Variants in ACADSB observed in about 807,000 individuals in gnomAD.
ACADSB encodes acyl-CoA dehydrogenase short/branched chain, also known as short/branched chain specific acyl-CoA dehydrogenase, mitochondrial.
ACADSB carries 40 observed loss-of-function variants against 54.1 expected under a neutral mutation model. The ratio of observed to expected loss-of-function variants is 0.74; its 90% confidence interval spans 0.57 to 0.96. The LOEUF (loss-of-function observed/expected upper bound fraction) is 0.96. Among genes scored for constraint, ACADSB ranks in the 40% least tolerant of loss-of-function variants. ACADSB has a pLI of 0.00. For missense variants in ACADSB, 530 were observed against 510.4 expected, an observed-to-expected ratio of 1.04 and a Z score of -0.37; for synonymous variants, 182 against 182.8, an observed-to-expected ratio of 1.00 and a Z score of 0.03.
At chr10:123,017,462 C>T (rs1034685056) in intron 1 of ACADSB, among the ~76,000 whole-genome samples, 1 of 152,202 alleles carries the variant, frequency 6.6e-6, no homozygotes, top group Non-Finnish European at 1.5e-5. Context: ...GGATTATAGG[C>T]ACCTACCACC....
At chr10:123,039,660 G>A (rs1041916844) in intron 3 of ACADSB, among the ~76,000 whole-genome samples, 2 of 152,182 alleles carry the variant, frequency 1.3e-5, no homozygotes, top group African/African-American at 4.8e-5. Flanking sequence ...AGGTGAAAGA[G>A]CCTGACTAGA....
chr10:123,019,005 A>C (rs1435702856), intron 1 of ACADSB, among the ~76,000 whole-genome samples: 1 of 152,222 alleles, frequency 6.6e-6, no homozygotes, highest in Non-Finnish European at 1.5e-5. Context: ...AATCAAAATC[A>C]AAACTGAATA....
rs1481804689 is a variant in ACADSB at position 123,054,587 on chromosome 10, G to C, written c.*822G>C. ...CTAAAAATTCTGGTTTTAAATATGA[G>C]AATCAGTGGAAAATAAGGGTATAAT... On this transcript the variant is annotated 3_prime_UTR_variant, in exon 11 of 11. Transcript: ENST00000358776. The C allele has an allele frequency of 6.6e-6, 1 of 152,116 alleles. No individual in the cohort carries two copies. Among genetic ancestry groups the C allele is most frequent in the African/African-American group, 2.4e-5 (1 of 41,414 alleles). 9.4% of individuals were successfully genotyped at this position (152,116 alleles called of 1,614,324 possible). A position where few individuals can be genotyped will look rare whatever the true frequency, so the allele number is the denominator to read the frequency against.
intron 1 of ACADSB, among the ~76,000 whole-genome samples, chr10:123,026,888 G>GC (rs1301621091): frequency 6.6e-6 from 1 of 152,114 alleles, no homozygotes; most frequent in African/African-American, 2.4e-5. Context: ...GAAACAGGTT[G>GC]CCTATGGGAG....
intron 1 of ACADSB, among the ~76,000 whole-genome samples, chr10:123,018,996 A>G (rs1850142724): frequency 6.6e-6 from 1 of 152,198 alleles, no homozygotes; most frequent in African/African-American, 2.4e-5. Context: ...GGCTTAGGAA[A>G]TCAAAATCAA....
intron 1 of ACADSB, among the ~76,000 whole-genome samples, chr10:123,016,115 T>C (rs1297264169): frequency 6.6e-6 from 1 of 152,146 alleles, no homozygotes; most frequent in Non-Finnish European, 1.5e-5. Context: ...TTTTAGGTAT[T>C]AATAAAACTT....
At chr10:123,045,005 T>A (rs1374191171) in intron 7 of ACADSB, among the ~76,000 whole-genome samples, 1 of 150,508 alleles carries the variant, frequency 6.6e-6, no homozygotes, top group African/African-American at 2.4e-5. Context: ...TATTCAAAAT[T>A]TTTTTTTACC....
chr10:123,053,817 C>T lies in ACADSB; in HGVS notation c.*52C>T, dbSNP rs768243038. On this transcript the variant is annotated 3_prime_UTR_variant, in exon 11 of 11. Coordinates refer to ENST00000358776, the MANE Select transcript of ACADSB (RefSeq NM_001609.4). Reference sequence around the variant, plus strand: ...GGTGTCACTGCTGTAAAATTTTAAACGGTTGTGTCTTGTTGGGAGTAAGTG... The same window carrying T: ...GGTGTCACTGCTGTAAAATTTTAAATGGTTGTGTCTTGTTGGGAGTAAGTG... 74 of 1,515,914 alleles carry T rather than the reference C, an allele frequency of 4.9e-5. No homozygotes were observed. Among genetic ancestry groups the T allele is most frequent in the Non-Finnish European group, 6.0e-5 (66 of 1,091,142 alleles). 93.9% of individuals were successfully genotyped at this position (1,515,914 alleles called of 1,614,324 possible).
chr10:123,026,033 C>G (rs1051416381), intron 1 of ACADSB, among the ~76,000 whole-genome samples: 2 of 152,058 alleles, frequency 1.3e-5, no homozygotes, highest in Non-Finnish European at 2.9e-5. Flanking sequence ...GGCGCCACTG[C>G]ACTCCAGCCT....
At chr10:123,009,889 T>G (rs897545838) in intron 1 of ACADSB, among the ~76,000 whole-genome samples, 7 of 152,270 alleles carry the variant, frequency 4.6e-5, no homozygotes, top group African/African-American at 1.4e-4. Context: ...TACACTTCAC[T>G]GGGAATTTTC....
chr10:123,019,557 T>C (rs535503804), intron 1 of ACADSB, among the ~76,000 whole-genome samples: 1 of 152,380 alleles, frequency 6.6e-6, no homozygotes, highest in African/African-American at 2.4e-5. Flanking sequence ...TCTTTGGTGA[T>C]AGTTTTTTAT....
intron 7 of ACADSB, 126 bp downstream of exon 7, chr10:123,044,611 GATAGA>G (rs1850526325): frequency 1.3e-6 from 1 of 751,120 alleles, no homozygotes; most frequent in Non-Finnish European, 2.3e-6. Flanking sequence ...TTACATGAGG[GATAGA>G]ATGGCTTATT....
chr10:123,020,099 A>T (rs993581774), intron 1 of ACADSB, among the ~76,000 whole-genome samples: 1 of 152,208 alleles, frequency 6.6e-6, no homozygotes, highest in African/African-American at 2.4e-5. Context: ...TTTCCTATGC[A>T]TAATGAGCAA....
chr10:123,051,188 T>TAAAAAAAAAAAAAAAAAAAAAAAGAAA lies in ACADSB; in HGVS notation c.1128+25_1128+26insGAAAAAAAAAAAAAAAAAAAAAAAAAA. On this transcript the variant is annotated splice_region_variant and intron_variant, in intron 9 of 10. Transcript: ENST00000358776. ...ATGGCCAAATACTATGCATCAGAGG[T>TAAAAAAAAAAAAAAAAAAAAAAAGAAA]AAAAAAAAAAAAAAAAAAAAAAAAG... 2.0e-6 allele frequency: 2 copies of TAAAAAAAAAAAAAAAAAAAAAAAGAAA among 1,015,738 alleles called. No individual in the cohort carries two copies. Among genetic ancestry groups the TAAAAAAAAAAAAAAAAAAAAAAAGAAA allele is most frequent in the Admixed American group, 6.4e-5 (1 of 15,656 alleles). 62.9% of individuals were successfully genotyped at this position (1,015,738 alleles called of 1,614,324 possible).
At chr10:123,028,937 T>G (rs1850289161) in intron 1 of ACADSB, among the ~76,000 whole-genome samples, 1 of 152,130 alleles carries the variant, frequency 6.6e-6, no homozygotes, top group South Asian at 2.1e-4. Flanking sequence ...ATATTTCTAA[T>G]ATACAGAAAA....
rs183174600 is a variant in ACADSB, at chr10:123,052,653, C to T, written c.1129-408C>T. 1.1e-5 allele frequency: 3 copies of T among 277,998 alleles called. No homozygotes were observed. Among genetic ancestry groups the T allele is most frequent in the Non-Finnish European group, 2.1e-5 (3 of 143,408 alleles). The allele number at this position is 277,998 out of a possible 1,614,324, so 17.2% of individuals were successfully genotyped here. Reference sequence around the variant, plus strand: ...CTCTCGCTCCTCCATTCTCTTTTCACATTTCACCCCGATCCCAGCCCACTG... The same window carrying T: ...CTCTCGCTCCTCCATTCTCTTTTCATATTTCACCCCGATCCCAGCCCACTG... On this transcript the variant is annotated intron_variant, in intron 9 of 10. Transcript: ENST00000358776. The surrounding 1 kb of genome is among the most constrained non-coding windows in gnomAD (Gnocchi z 4.2).
chr10:123,027,026 C>T (rs1307872486), intron 1 of ACADSB, among the ~76,000 whole-genome samples: 3 of 152,074 alleles, frequency 2.0e-5, no homozygotes, highest in Admixed American at 2.0e-4. Context: ...GGGTAGGGCA[C>T]GTTCATAGAT....
intron 3 of ACADSB, among the ~76,000 whole-genome samples, chr10:123,038,874 T>C (rs1850434744): frequency 6.6e-6 from 1 of 152,182 alleles, no homozygotes; most frequent in Non-Finnish European, 1.5e-5. Context: ...TGAGTCCATT[T>C]CTCAGCCAGG....
intron 1 of ACADSB, chr10:123,027,486 T>C (rs919232344): frequency 6.6e-6 from 3 of 454,366 alleles, no homozygotes; most frequent in African/African-American, 6.0e-5. Flanking sequence ...CTGATGTGTT[T>C]ATCAGGGTTT....
Sources: allele counts gnomAD v4.1 joint callset (sites outside exome capture counted in the v4.1 genomes callset), GRCh38; gene constraint gnomAD v4.1.1; non-coding constraint Gnocchi (gnomAD v3.1); transcripts MANE v1.5; gene names NCBI Gene and HGNC (gene_info 2026-07-23, HGNC 2026-07-21).